CADM2: variants seen among roughly 807,000 people sequenced by gnomAD.
The protein encoded by CADM2 is cell adhesion molecule 2.
A neutral mutation model predicts 49.8 loss-of-function variants in CADM2; 12 were observed. The ratio of observed to expected loss-of-function variants is 0.24; its 90% CI spans 0.15 to 0.39. The LOEUF is 0.39. Among genes scored for constraint, CADM2 ranks in the 10% least tolerant of loss-of-function variants. The pLI is 1.00. For synonymous variants in CADM2, 214 were observed against 175.4 expected, an observed-to-expected ratio of 1.22 and a Z score of -1.74; for missense variants, 378 against 492.3, an observed-to-expected ratio of 0.77 and a Z score of 2.20.
At chr3:86,039,840 G>A (rs1174882544) in intron 8 of CADM2, among the ~76,000 whole-genome samples, 1 of 152,030 alleles carries the variant, frequency 6.6e-6, no homozygotes, top group African/African-American at 2.4e-5. Flanking sequence ...CCCCAGTAGG[G>A]GCAGACTGAC....
chr3:85,947,024 A>G (rs1355529618), intron 7 of CADM2, among the ~76,000 whole-genome samples: 1 of 152,136 alleles, frequency 6.6e-6, no homozygotes, highest in African/African-American at 2.4e-5. Context: ...AAAGAATGGG[A>G]GAAAATTTTT....
At chr3:85,146,259 T>C (rs957858009) in intron 1 of CADM2, among the ~76,000 whole-genome samples, 11 of 152,200 alleles carry the variant, frequency 7.2e-5, no homozygotes, top group African/African-American at 2.7e-4. Context: ...ATAATATTAA[T>C]AGTAATTGTA....
intron 1 of CADM2, among the ~76,000 whole-genome samples, chr3:85,272,048 A>C (rs2043254853): frequency 6.6e-6 from 1 of 151,010 alleles, no homozygotes; most frequent in Non-Finnish European, 1.5e-5. Context: ...TCTTAAAACT[A>C]CTCAGAGAAA....
chr3:86,051,413 C>T (rs1296397201), intron 8 of CADM2, among the ~76,000 whole-genome samples: 3 of 152,210 alleles, frequency 2.0e-5, no homozygotes, highest in Non-Finnish European at 4.4e-5. Flanking sequence ...CAAATTTCCA[C>T]TCATCTTCTT....
intron 1 of CADM2, among the ~76,000 whole-genome samples, chr3:85,297,172 A>G (rs940057148): frequency 6.7e-6 from 1 of 150,006 alleles, no homozygotes; most frequent in Non-Finnish European, 1.5e-5. Context: ...TTATTGATAT[A>G]GCTAAGCGTC....
chr3:85,749,057 G>A (rs1225679657), intron 2 of CADM2, among the ~76,000 whole-genome samples: 1 of 151,712 alleles, frequency 6.6e-6, no homozygotes, highest in Non-Finnish European at 1.5e-5. Flanking sequence ...AATAACAAGA[G>A]AAATTCATGG....
At chr3:85,488,725 T>C (rs1161033087) in intron 1 of CADM2, among the ~76,000 whole-genome samples, 1 of 151,928 alleles carries the variant, frequency 6.6e-6, no homozygotes, top group African/African-American at 2.4e-5. Flanking sequence ...AGATACGGGG[T>C]TTCACCATGT....
At chr3:85,799,204 T>C (rs1336590092) in intron 2 of CADM2, among the ~76,000 whole-genome samples, 1 of 152,218 alleles carries the variant, frequency 6.6e-6, no homozygotes, top group Non-Finnish European at 1.5e-5. Context: ...TATACAATCA[T>C]GTCATCTGCA....
At chr3:86,021,277 A>T (rs1253102743) in intron 8 of CADM2, among the ~76,000 whole-genome samples, 3 of 151,988 alleles carry the variant, frequency 2.0e-5, no homozygotes, top group Non-Finnish European at 4.4e-5. Flanking sequence ...TGGGATTTCA[A>T]GTGTGAGTCA....
intron 4 of CADM2, 91 bp from the exon 5 acceptor site, chr3:85,886,099 T>A: frequency 1.3e-6 from 2 of 1,546,466 alleles, no homozygotes; most frequent in Non-Finnish European, 1.8e-6. Context: ...CAATTAACCA[T>A]CCAGTTCAGT....
intron 1 of CADM2, among the ~76,000 whole-genome samples, chr3:85,076,170 G>A (rs895620180): frequency 6.6e-5 from 10 of 151,660 alleles, no homozygotes; most frequent in African/African-American, 2.4e-4. Flanking sequence ...TATCCTCCCT[G>A]CATAACTAAA....
chr3:85,568,469 C>CTTTCTTTCTTTCTTTCTT lies in CADM2; in HGVS notation c.62-158052_62-158051insTTCTTTCTTTCTTTCTTT, dbSNP rs374134738. ...TTTCTTTCTTTCTTTCTTTCTCTTT[C>CTTTCTTTCTTTCTTTCTT]TCTCTCTTTCTTTCTTTCTTTCTTT... On this transcript the variant is annotated intron_variant, in intron 1 of 9. Transcript: ENST00000383699. 4.0e-3 allele frequency among the ~76,000 whole-genome samples: 44 copies of CTTTCTTTCTTTCTTTCTT among 11,132 alleles called. 1 individual carries two copies. Among genetic ancestry groups the CTTTCTTTCTTTCTTTCTT allele is most frequent in the African/African-American group, 5.7e-3 (37 of 6,506 alleles). 7.3% of individuals were successfully genotyped at this position (11,132 alleles called of 152,430 possible). A position where few individuals can be genotyped will look rare whatever the true frequency, so the allele number is the denominator to read the frequency against.
At chr3:85,309,524 A>T (rs1197291604) in intron 1 of CADM2, among the ~76,000 whole-genome samples, 2 of 152,176 alleles carry the variant, frequency 1.3e-5, no homozygotes, top group African/African-American at 4.8e-5. Context: ...ATGCAAGTTA[A>T]TTAGCACAGG....
At chr3:85,303,580 TA>T (rs2044149823) in intron 1 of CADM2, among the ~76,000 whole-genome samples, 1 of 151,976 alleles carries the variant, frequency 6.6e-6, no homozygotes, top group Admixed American at 6.6e-5. Context: ...GAAACCAATG[TA>T]AAATGCTTTC....
At chr3:85,055,774 T>C (rs1455006413) in intron 1 of CADM2, among the ~76,000 whole-genome samples, 2 of 152,082 alleles carry the variant, frequency 1.3e-5, no homozygotes, top group Middle Eastern at 3.4e-3. Flanking sequence ...GGAGTGAGAC[T>C]CATGGAGCAC....
At chr3:85,010,095 T>A (rs1367616184) in intron 1 of CADM2, among the ~76,000 whole-genome samples, 2 of 152,062 alleles carry the variant, frequency 1.3e-5, no homozygotes, top group South Asian at 2.1e-4. Context: ...CCAATAAAGA[T>A]TTTGAAGGAA....
At chr3:85,734,931 C>A (rs1467292475) in intron 2 of CADM2, among the ~76,000 whole-genome samples, 1 of 150,690 alleles carries the variant, frequency 6.6e-6, no homozygotes, top group Non-Finnish European at 1.5e-5. Flanking sequence ...CATTTCTTAT[C>A]ATCTTTATTT....
At chr3:85,649,697 G>T (rs145592725) in intron 1 of CADM2, among the ~76,000 whole-genome samples, 6 of 152,168 alleles carry the variant, frequency 3.9e-5, no homozygotes, top group African/African-American at 1.4e-4. Flanking sequence ...AAAGGAGACC[G>T]TGATTCTGCA....
intron 1 of CADM2, among the ~76,000 whole-genome samples, chr3:85,026,644 G>T (rs143064286): frequency 6.6e-6 from 1 of 152,210 alleles, no homozygotes; most frequent in African/African-American, 2.4e-5. Flanking sequence ...AGTCAGCAAA[G>T]CTAATTTTCT....
Sources: allele counts gnomAD v4.1 joint callset (sites outside exome capture counted in the v4.1 genomes callset), GRCh38; gene constraint gnomAD v4.1.1; transcripts MANE v1.5; gene names NCBI Gene and HGNC (gene_info 2026-07-23, HGNC 2026-07-21).